The following CACNA2D3 variants were observed in gnomAD, a reference collection of about 807,000 sequenced individuals.
CACNA2D3 encodes voltage-dependent calcium channel subunit alpha-2/delta-3.
In CACNA2D3, 60 loss-of-function variants were observed where a neutral mutation model predicts 160.6. The ratio of observed to expected loss-of-function variants is 0.37; its 90% CI spans 0.30 to 0.46. The LOEUF (loss-of-function observed/expected upper bound fraction) is 0.46, where lower values mean the gene tolerates loss of function less well. Among genes scored for constraint, CACNA2D3 ranks in the 20% least tolerant of loss-of-function variants. The probability of loss-of-function intolerance (pLI) is 1.00; values close to 1 mark genes in which losing one functional copy is unlikely to be tolerated. For missense variants in CACNA2D3, 1,205 were observed against 1,365.0 expected (o/e 0.88, Z 1.85); for synonymous variants, 558 against 492.9 (o/e 1.13, Z -1.75).
intron 17 of CACNA2D3, among the ~76,000 whole-genome samples, chr3:54,851,460 C>T (rs907994924): frequency 6.6e-6 from 1 of 152,138 alleles, no homozygotes; most frequent in Non-Finnish European, 1.5e-5. Context: ...CTGGAAAGTG[C>T]CAGAACTAGG....
chr3:55,059,555 C>T (rs553049878), intron 35 of CACNA2D3, among the ~76,000 whole-genome samples: 8 of 152,182 alleles, frequency 5.3e-5, no homozygotes, highest in African/African-American at 1.4e-4. Context: ...TCCAGCCCCA[C>T]GGTGGCAACT....
At chr3:54,208,892 G>T in intron 2 of CACNA2D3, among the ~76,000 whole-genome samples, 1 of 152,142 alleles carries the variant, frequency 6.6e-6, no homozygotes, top group East Asian at 1.9e-4. Context: ...ATAGTTCCAT[G>T]TGGCTGGGGA....
intron 2 of CACNA2D3, among the ~76,000 whole-genome samples, chr3:54,139,386 A>G (rs1699878129): frequency 6.6e-6 from 1 of 152,250 alleles, no homozygotes; most frequent in South Asian, 2.1e-4. Context: ...CACGCTCTGC[A>G]GACAAGGCAG....
At chr3:54,164,515 T>C (rs1700413337) in intron 2 of CACNA2D3, among the ~76,000 whole-genome samples, 1 of 152,246 alleles carries the variant, frequency 6.6e-6, no homozygotes, top group Admixed American at 6.5e-5. Context: ...TCCTCTGATA[T>C]CTTACTTATC....
chr3:54,697,305 C>G (rs1700682459), intron 11 of CACNA2D3, among the ~76,000 whole-genome samples: 1 of 152,072 alleles, frequency 6.6e-6, no homozygotes, highest in Non-Finnish European at 1.5e-5. Flanking sequence ...CATGAGATTC[C>G]TGGCTCTGTT....
At chr3:54,158,303 T>G (rs1388031577) in intron 2 of CACNA2D3, among the ~76,000 whole-genome samples, 1 of 152,206 alleles carries the variant, frequency 6.6e-6, no homozygotes, top group Non-Finnish European at 1.5e-5. Flanking sequence ...TTCGGATGCC[T>G]TCTGTGGAAA....
intron 27 of CACNA2D3, among the ~76,000 whole-genome samples, chr3:54,962,218 C>G (rs899848689): frequency 1.3e-5 from 2 of 152,122 alleles, no homozygotes; most frequent in East Asian, 3.9e-4. Flanking sequence ...AACCATAGCA[C>G]AGGTTTTGAA....
chr3:54,877,652 A>G (rs1314090066), intron 18 of CACNA2D3, among the ~76,000 whole-genome samples: 1 of 152,152 alleles, frequency 6.6e-6, no homozygotes, highest in African/African-American at 2.4e-5. Flanking sequence ...ATGATTTAAG[A>G]CAAGGGCAAG....
chr3:55,031,244 A>G (rs540526300), intron 35 of CACNA2D3, among the ~76,000 whole-genome samples: 9 of 152,246 alleles, frequency 5.9e-5, no homozygotes, highest in African/African-American at 1.7e-4. Context: ...CTCTATCCCT[A>G]CCTCAAAGAG....
At chr3:54,189,166 A>C (rs987468117) in intron 2 of CACNA2D3, among the ~76,000 whole-genome samples, 13 of 152,202 alleles carry the variant, frequency 8.5e-5, no homozygotes, top group Non-Finnish European at 5.9e-5. Context: ...TTTCATTTCT[A>C]CTTGGCCAGG....
chr3:54,160,092 A>G (rs1460489009), intron 2 of CACNA2D3, among the ~76,000 whole-genome samples: 1 of 152,214 alleles, frequency 6.6e-6, no homozygotes, highest in Non-Finnish European at 1.5e-5. Context: ...TGGAGAGAAT[A>G]GGAAGATGAT....
chr3:54,498,079 G>C (rs1292933546), intron 4 of CACNA2D3, among the ~76,000 whole-genome samples: 3 of 150,938 alleles, frequency 2.0e-5, no homozygotes, highest in Non-Finnish European at 4.4e-5. Flanking sequence ...TTGGTGTCAA[G>C]GTTAGGCTAC....
chr3:54,696,989 A>G (rs879855272), intron 11 of CACNA2D3, among the ~76,000 whole-genome samples: 2 of 152,064 alleles, frequency 1.3e-5, no homozygotes, highest in African/African-American at 4.8e-5. Flanking sequence ...AAAAAATCAG[A>G]TTCTTGGCCA....
intron 11 of CACNA2D3, among the ~76,000 whole-genome samples, chr3:54,678,315 C>G (rs1314952182): frequency 6.6e-6 from 1 of 152,042 alleles, no homozygotes; most frequent in Non-Finnish European, 1.5e-5. Flanking sequence ...ATAGAAGAAG[C>G]TGACAAGAAG....
chr3:54,775,849 C>CA, intron 13 of CACNA2D3, among the ~76,000 whole-genome samples: 1 of 152,292 alleles, frequency 6.6e-6, no homozygotes, highest in South Asian at 2.1e-4. Flanking sequence ...GGGGCAGCCC[C>CA]AGGAGGGATA....
At chr3:55,005,038 G>A (rs1457923105) in intron 32 of CACNA2D3, among the ~76,000 whole-genome samples, 200 bp downstream of exon 32, 4 of 151,740 alleles carry the variant, frequency 2.6e-5, no homozygotes, top group Non-Finnish European at 1.5e-5. Flanking sequence ...CACTTTGGGA[G>A]GCCGAGGTGG....
chr3:54,790,553 C>T (rs1253425258), intron 13 of CACNA2D3, among the ~76,000 whole-genome samples: 2 of 152,110 alleles, frequency 1.3e-5, no homozygotes, highest in African/African-American at 4.8e-5. Context: ...ACAGCTAGGG[C>T]CAAATGAAAC....
chr3:54,170,619 TC>T (rs1700544634), intron 2 of CACNA2D3, among the ~76,000 whole-genome samples: 1 of 152,024 alleles, frequency 6.6e-6, no homozygotes, highest in South Asian at 2.1e-4. Flanking sequence ...CCTGACTACC[TC>T]CCTCCCTCCC....
At chr3:54,620,895 T>C (rs1698971755) in intron 9 of CACNA2D3, among the ~76,000 whole-genome samples, 1 of 152,196 alleles carries the variant, frequency 6.6e-6, no homozygotes, top group Non-Finnish European at 1.5e-5. Context: ...CAAAGTAATG[T>C]ACAAAAAGCA....
Sources: allele counts gnomAD v4.1 joint callset (sites outside exome capture counted in the v4.1 genomes callset), GRCh38; gene constraint gnomAD v4.1.1; transcripts MANE v1.5; gene names NCBI Gene and HGNC (gene_info 2026-07-23, HGNC 2026-07-21).